RBP7: variants seen among roughly 807,000 people sequenced by gnomAD.
The protein encoded by RBP7 is retinoid-binding protein 7.
A neutral mutation model predicts 16.7 loss-of-function variants in RBP7; 13 were observed. That is an observed-to-expected ratio of 0.78 (90% confidence interval 0.51 to 1.24). The LOEUF (loss-of-function observed/expected upper bound fraction) is 1.24, where lower values mean the gene tolerates loss of function less well. Among genes scored for constraint, RBP7 ranks in the 50% most tolerant of loss-of-function variants. The pLI is 0.00. For synonymous variants in RBP7, 54 were observed against 56.2 expected, an observed-to-expected ratio of 0.96 and a Z score of 0.17; for missense variants, 145 against 159.5, an observed-to-expected ratio of 0.91 and a Z score of 0.49.
intron 1 of RBP7, among the ~76,000 whole-genome samples, chr1:10,005,044 A>C (rs986100414): frequency 2.0e-5 from 3 of 152,178 alleles, no homozygotes; most frequent in African/African-American, 7.2e-5. Context: ...CTCAATACTT[A>C]AATATTTAAA....
At chr1:10,008,141 A>C (rs1642501004) in intron 2 of RBP7, 32 bp from the exon 3 acceptor site, 1 of 1,400,936 alleles carries the variant, frequency 7.1e-7, no homozygotes, top group African/African-American at 1.4e-5. Flanking sequence ...TCCTGCCAGG[A>C]CAAGCTAACA....
Position 9,999,373 on chromosome 1 carries a change from C to A in RBP7, c.73+2042C>A, listed in dbSNP as rs376345419. On this transcript the variant is annotated intron_variant, in intron 1 of 3. Coordinates refer to ENST00000294435, the MANE Select transcript of RBP7 (RefSeq NM_052960.3). ...ACCAGCCTGGCCAACATGGTGAAAC[C>A]CCGTCTCAACTAAAAATACCAAAAA... Among the ~76,000 whole-genome samples, 52 of 151,908 alleles carry A rather than the reference C, an allele frequency of 3.4e-4. 2 individuals are homozygous for A. In the East Asian group the frequency reaches 9.7e-3, roughly 28 times the overall value.
intron 3 of RBP7, among the ~76,000 whole-genome samples, chr1:10,009,778 C>T (rs1183964926): frequency 6.6e-6 from 1 of 152,078 alleles, no homozygotes; most frequent in African/African-American, 2.4e-5. Flanking sequence ...GTGATCAGCC[C>T]ACCTGGGCCT....
At chr1:10,003,931 T>G (rs1642347191) in intron 1 of RBP7, among the ~76,000 whole-genome samples, 1 of 151,416 alleles carries the variant, frequency 6.6e-6, no homozygotes, top group Non-Finnish European at 1.5e-5. Context: ...AATTCTTGTA[T>G]TTTTAGTAGA....
chr1:10,006,822 T>G (rs1232637882), intron 1 of RBP7: 1 of 329,910 alleles, frequency 3.0e-6, no homozygotes, highest in Non-Finnish European at 5.9e-6. Context: ...AGTTTTGTTT[T>G]CATTCTTGTT....
At chr1:10,014,648 A>G (rs1642730997) in intron 3 of RBP7, among the ~76,000 whole-genome samples, 1 of 152,074 alleles carries the variant, frequency 6.6e-6, no homozygotes, top group African/African-American at 2.4e-5. Context: ...CGGCCACTCA[A>G]AGTGCTGGGA....
intron 3 of RBP7, among the ~76,000 whole-genome samples, chr1:10,014,316 G>A (rs750890666): frequency 6.6e-6 from 1 of 152,190 alleles, no homozygotes; most frequent in Middle Eastern, 3.4e-3. Context: ...AGGGCTGTGT[G>A]CTCCCCCTTC....
chr1:10,007,276 G>T (rs1179822275), intron 1 of RBP7: 3 of 334,786 alleles, frequency 9.0e-6, no homozygotes, highest in Admixed American at 4.7e-5. Context: ...TAGAGACAGG[G>T]TCTTGCTATG....
intron 1 of RBP7, among the ~76,000 whole-genome samples, chr1:9,998,293 G>A (rs995602404): frequency 2.6e-5 from 4 of 151,624 alleles, no homozygotes; most frequent in African/African-American, 9.7e-5. Flanking sequence ...GCCCTGCCAC[G>A]AGTGTAGTTT....
intron 3 of RBP7, among the ~76,000 whole-genome samples, chr1:10,012,952 A>AAT (rs1642668385): frequency 6.6e-6 from 1 of 151,682 alleles, no homozygotes; most frequent in African/African-American, 2.4e-5. Context: ...AAAAAAAAAA[A>AAT]AAAAAAAGAG....
At chr1:10,001,344 C>T (rs1005937646) in intron 1 of RBP7, among the ~76,000 whole-genome samples, 1 of 151,752 alleles carries the variant, frequency 6.6e-6, no homozygotes, top group Non-Finnish European at 1.5e-5. Flanking sequence ...CTTGCTCTGT[C>T]GCTCAGGCTG....
intron 1 of RBP7, among the ~76,000 whole-genome samples, chr1:10,006,041 T>C (rs565035282): frequency 6.4e-4 from 97 of 152,212 alleles, no homozygotes; most frequent in Non-Finnish European, 1.1e-3. Flanking sequence ...CTTGATTCTT[T>C]ACTTCTTTCA....
intron 2 of RBP7, 103 bp downstream of exon 2, chr1:10,007,851 A>T: frequency 9.5e-7 from 1 of 1,047,878 alleles, no homozygotes; most frequent in East Asian, 2.5e-5. Flanking sequence ...GTTTGAGACC[A>T]GCCTGGGCAA....
At chr1:10,008,116 C>A in intron 2 of RBP7, 57 bp from the exon 3 acceptor site, 1 of 1,166,922 alleles carries the variant, frequency 8.6e-7, no homozygotes, top group South Asian at 1.2e-5. Context: ...CATTCTACTT[C>A]GTAACACTTG....
chr1:10,006,939 G>A (rs963322171), intron 1 of RBP7: 1 of 439,288 alleles, frequency 2.3e-6, no homozygotes, highest in Admixed American at 2.5e-5. Flanking sequence ...CTGTCCCTTT[G>A]GTTTTCTTTT....
Position 9,997,818 on chromosome 1 carries a change from C to T in RBP7, c.73+487C>T, listed in dbSNP as rs1161550149. On this transcript the variant is annotated intron_variant, in intron 1 of 3. Transcript: ENST00000294435. This position sits in a 1 kb window ranked among gnomAD's most constrained non-coding sequence, Gnocchi z 5.9. ...CAGGCCCCGGGGCCCCGGGCGCGCT[C>T]CCGCAGCGAAGTCCCAGCAGCCTCG... is the stretch of plus-strand genomic sequence containing the variant. Among the ~76,000 whole-genome samples, 2 of 152,030 alleles carry T rather than the reference C, an allele frequency of 1.3e-5. No homozygotes were observed. The highest frequency in any genetic ancestry group is 1.9e-4 in the East Asian group (1 of 5,142).
intron 3 of RBP7, among the ~76,000 whole-genome samples, chr1:10,013,556 C>A (rs1315200834): frequency 6.6e-6 from 1 of 151,922 alleles, no homozygotes; most frequent in Admixed American, 6.6e-5. Flanking sequence ...TACCTGTAAT[C>A]CCAGAATTTT....
chr1:9,997,247 C>T lies in RBP7; in HGVS notation c.-12C>T, dbSNP rs111277407. The T allele has an allele frequency of 5.6e-6, 9 of 1,608,354 alleles. 1 individual carries two copies. The South Asian group carries it at 8.8e-5, about 16-fold the overall frequency. On this transcript the variant is annotated 5_prime_UTR_variant, in exon 1 of 4. Coordinates refer to ENST00000294435, the MANE Select transcript of RBP7 (RefSeq NM_052960.3). This position sits in a 1 kb window ranked among gnomAD's most constrained non-coding sequence, Gnocchi z 5.9. ...CCGGCCGCCCGCCGGGTTTGTCCCGCGATCCCCGACCATGCCCGCCGACCT... is the reference window on the plus strand; with the variant it reads ...CCGGCCGCCCGCCGGGTTTGTCCCGTGATCCCCGACCATGCCCGCCGACCT...
chr1:10,006,130 G>C (rs577087968), intron 1 of RBP7, among the ~76,000 whole-genome samples: 2 of 152,204 alleles, frequency 1.3e-5, no homozygotes, highest in Non-Finnish European at 2.9e-5. Flanking sequence ...CTCAAAGGCA[G>C]TAAGTGGAAC....
Sources: gnomAD v4.1 joint callset for allele counts (sites outside exome capture counted in the v4.1 genomes callset) on GRCh38, gnomAD v4.1.1 for gene constraint, Gnocchi (gnomAD v3.1) non-coding constraint, MANE v1.5 for transcripts, NCBI Gene and HGNC (gene_info 2026-07-23, HGNC 2026-07-21) for gene names.